The following COL15A1 variants were observed in gnomAD, a reference collection of about 807,000 sequenced individuals.
COL15A1 encodes collagen type XV alpha 1 chain, also known as collagen alpha-1(XV) chain.
Under a neutral mutation model 165.9 loss-of-function variants are expected in COL15A1, and 111 were observed. That is an observed-to-expected ratio of 0.67 (90% confidence interval 0.57 to 0.78). COL15A1 has a LOEUF of 0.78. Ranked by LOEUF, COL15A1 falls within the 30% of genes least tolerant of loss-of-function variation. COL15A1 has a pLI of 0.00. For synonymous variants in COL15A1, 659 were observed against 674.8 expected (o/e 0.98, Z 0.36); for missense variants, 1,745 against 1,789.7 (o/e 0.98, Z 0.45).
At chr9:99,008,147 C>A (rs989780531) in intron 9 of COL15A1, among the ~76,000 whole-genome samples, 2 of 152,002 alleles carry the variant, frequency 1.3e-5, no homozygotes, top group Non-Finnish European at 2.9e-5. Flanking sequence ...TTTGCTGGAG[C>A]TTTATTCCAT....
Position 99,070,057 on chromosome 9 carries a change from A to G in COL15A1, c.*171A>G, listed in dbSNP as rs902352290. On this transcript the variant is annotated 3_prime_UTR_variant, in exon 42 of 42. Coordinates refer to ENST00000375001, the MANE Select transcript of COL15A1 (RefSeq NM_001855.5). ...CCTCAATACACTCAAAACTGAAGAC[A>G]TAGAGGACTCAGATCAAAGACAAAA... is the stretch of plus-strand genomic sequence containing the variant. 5 of 590,140 alleles carry G rather than the reference A, an allele frequency of 8.5e-6. No homozygotes were observed. Among genetic ancestry groups the G allele is most frequent in the African/African-American group, 3.8e-5 (2 of 53,162 alleles). The allele number at this position is 590,140 out of a possible 1,614,324, so 36.6% of individuals were successfully genotyped here.
At chr9:98,953,096 A>T (rs963295883) in intron 2 of COL15A1, among the ~76,000 whole-genome samples, 3 of 152,206 alleles carry the variant, frequency 2.0e-5, no homozygotes, top group Non-Finnish European at 4.4e-5. Context: ...GGGTTGTAAA[A>T]AGGAGGCAAT....
chr9:99,047,681 A>G, intron 26 of COL15A1, 105 bp from the exon 27 acceptor site: 5 of 1,178,438 alleles, frequency 4.2e-6, no homozygotes, highest in Non-Finnish European at 6.3e-6. Flanking sequence ...TCCTCCTGTC[A>G]GTGGATCATC....
Position 98,943,983 on chromosome 9 carries a change from G to T in COL15A1, c.-79G>T. On this transcript the variant is annotated 5_prime_UTR_variant, in exon 1 of 42. Transcript: ENST00000375001. ...GGGCGAGCGCGGCGGCCAGCGCTCA[G>T]CGACCCTTCGTCCTCCGCTAAGCTC... 1.9e-6 allele frequency: 3 copies of T among 1,588,062 alleles called. No homozygotes were observed. The highest frequency in any genetic ancestry group is 1.7e-6 in the Non-Finnish European group (2 of 1,162,146).
rs111642258 is a variant in COL15A1, at chr9:99,062,968, A to G, written c.3592-82A>G. 5.8e-5 allele frequency: 87 copies of G among 1,497,542 alleles called. No individual in the cohort carries two copies. The African/African-American group carries it at 1.1e-3, about 18-fold the overall frequency. 92.8% of individuals were successfully genotyped at this position (1,497,542 alleles called of 1,614,324 possible). A position where few individuals can be genotyped will look rare whatever the true frequency, so the allele number is the denominator to read the frequency against. On this transcript the variant is annotated intron_variant, in intron 38 of 41. Coordinates refer to ENST00000375001, the MANE Select transcript of COL15A1 (RefSeq NM_001855.5). The stretch of plus-strand genomic sequence containing the variant: ...TATTTAAAGCATCTTCTCAAGAAAC[A>G]TTGCACTTGCACCTCAATACACTCT...
intron 39 of COL15A1, among the ~76,000 whole-genome samples, chr9:99,065,837 C>T (rs904269287): frequency 2.0e-5 from 3 of 151,292 alleles, no homozygotes; most frequent in Non-Finnish European, 4.4e-5. Flanking sequence ...CTCACTGTAG[C>T]TCATGGCCAG....
At chr9:99,002,806 G>A (rs753430675) in intron 7 of COL15A1, among the ~76,000 whole-genome samples, 5 of 152,212 alleles carry the variant, frequency 3.3e-5, no homozygotes, top group African/African-American at 4.8e-5. Flanking sequence ...CCTGCAGCAA[G>A]GAAATCTTTT....
chr9:98,946,097 T>C (rs1411892940), intron 2 of COL15A1, among the ~76,000 whole-genome samples: 2 of 152,264 alleles, frequency 1.3e-5, no homozygotes, highest in African/African-American at 4.8e-5. Flanking sequence ...TCCTGCAAAC[T>C]GCATTTGTAA....
At position 99,036,165 on chromosome 9, in the gene COL15A1, T is replaced by C. The variant is rs373569890; in HGVS notation, c.2290-5T>C. 89 of 1,609,816 alleles carry C rather than the reference T, an allele frequency of 5.5e-5. No individual in the cohort carries two copies. Among genetic ancestry groups the C allele is most frequent in the Non-Finnish European group, 7.4e-5 (87 of 1,176,924 alleles). ...AAGAATATTTATTTTTGTTTATTTT[T>C]CCAGGGTCTCAAAGGAGAGAAAGGA... On this transcript the variant is annotated splice_polypyrimidine_tract_variant and splice_region_variant and intron_variant, in intron 19 of 41. Coordinates refer to ENST00000375001, the MANE Select transcript of COL15A1 (RefSeq NM_001855.5).
At chr9:98,990,863 C>G (rs1838409194) in intron 5 of COL15A1, among the ~76,000 whole-genome samples, 1 of 152,156 alleles carries the variant, frequency 6.6e-6, no homozygotes, top group African/African-American at 2.4e-5. Flanking sequence ...ACCACGGACC[C>G]TCGCGGTGAG....
intron 2 of COL15A1, among the ~76,000 whole-genome samples, chr9:98,969,849 G>C (rs140576389): frequency 6.6e-6 from 1 of 152,306 alleles, no homozygotes; most frequent in African/African-American, 2.4e-5. Flanking sequence ...GGTGCCCTTG[G>C]GCAAGTTATT....
intron 14 of COL15A1, 55 bp from the exon 15 acceptor site, chr9:99,024,819 C>T: frequency 1.3e-6 from 2 of 1,575,458 alleles, no homozygotes; most frequent in South Asian, 2.3e-5. Flanking sequence ...AGCACATACT[C>T]AGTATCTCAT....
intron 9 of COL15A1, among the ~76,000 whole-genome samples, chr9:99,014,956 G>A (rs1411964790): frequency 6.6e-6 from 1 of 152,144 alleles, no homozygotes; most frequent in Non-Finnish European, 1.5e-5. Context: ...TGAGCAGAGG[G>A]GTGACTTTGA....
rs542650142 is a variant in COL15A1, at chr9:98,967,310, T to C, written c.101-18255T>C. ...TGGAAGGTGTGTGCCGACCCTTCTC[T>C]GTACTGACTTTCCCTGGGGAGCCAC... On this transcript the variant is annotated intron_variant, in intron 2 of 41. Coordinates refer to ENST00000375001, the MANE Select transcript of COL15A1 (RefSeq NM_001855.5). 5.3e-5 allele frequency among the ~76,000 whole-genome samples: 8 copies of C among 152,312 alleles called. No homozygotes were observed. In the South Asian group the frequency reaches 1.4e-3, roughly 28 times the overall value.
At chr9:98,948,258 T>C (rs1837616641) in intron 2 of COL15A1, among the ~76,000 whole-genome samples, 1 of 152,118 alleles carries the variant, frequency 6.6e-6, no homozygotes, top group Admixed American at 6.5e-5. Context: ...CCATGCAGAA[T>C]GTCCTGTGTG....
At chr9:98,991,515 T>G (rs911614374) in intron 5 of COL15A1, among the ~76,000 whole-genome samples, 4 of 151,152 alleles carry the variant, frequency 2.6e-5, no homozygotes, top group Non-Finnish European at 5.9e-5. Flanking sequence ...TTTACAAACC[T>G]TGAGCTAGAT....
chr9:99,021,450 C>T (rs1319819344), intron 12 of COL15A1, among the ~76,000 whole-genome samples: 3 of 152,198 alleles, frequency 2.0e-5, no homozygotes, highest in Non-Finnish European at 2.9e-5. Context: ...GCCATCCTGT[C>T]ACCTTATTTG....
chr9:98,953,382 C>G (rs1837721529), intron 2 of COL15A1, among the ~76,000 whole-genome samples: 1 of 152,132 alleles, frequency 6.6e-6, no homozygotes, highest in Non-Finnish European at 1.5e-5. Context: ...CCCTGGTCAC[C>G]TAATGAATGC....
intron 36 of COL15A1, among the ~76,000 whole-genome samples, chr9:99,060,527 C>A (rs983392239): frequency 3.3e-5 from 5 of 151,600 alleles, no homozygotes; most frequent in African/African-American, 7.3e-5. Context: ...CCACCTTGGC[C>A]TCCCAAAGTG....
Sources: allele counts gnomAD v4.1 joint callset (sites outside exome capture counted in the v4.1 genomes callset), GRCh38; gene constraint gnomAD v4.1.1; transcripts MANE v1.5; gene names NCBI Gene and HGNC (gene_info 2026-07-23, HGNC 2026-07-21).